CRACD: variants seen among roughly 807,000 people sequenced by gnomAD.
CRACD encodes the protein capping protein-inhibiting regulator of actin dynamics.
In CRACD, 56 loss-of-function variants were observed where a neutral mutation model predicts 106.8. The ratio of observed to expected loss-of-function variants is 0.52; its 90% CI spans 0.42 to 0.66. The LOEUF (loss-of-function observed/expected upper bound fraction) is 0.66. CRACD is among the 30% of genes least tolerant of loss of function. The probability of loss-of-function intolerance (pLI) is 0.00; values close to 1 mark genes in which losing one functional copy is unlikely to be tolerated. For synonymous variants in CRACD, 754 were observed against 670.8 expected, an observed-to-expected ratio of 1.12 and a Z score of -1.92; for missense variants, 1,730 against 1,623.2, an observed-to-expected ratio of 1.07 and a Z score of -1.13.
intron 2 of CRACD, among the ~76,000 whole-genome samples, chr4:56,192,798 C>T (rs759858520): frequency 6.6e-6 from 1 of 152,072 alleles, no homozygotes; most frequent in Non-Finnish European, 1.5e-5. Context: ...TGAACTTTTC[C>T]CTGCAAAACA....
chr4:56,169,491 C>T (rs1456584874), intron 1 of CRACD, among the ~76,000 whole-genome samples: 1 of 151,994 alleles, frequency 6.6e-6, no homozygotes, highest in Non-Finnish European at 1.5e-5. Context: ...TTTAGAGTTT[C>T]CTTTAAGTGT....
intron 1 of CRACD, among the ~76,000 whole-genome samples, chr4:56,125,093 A>G (rs542839882): frequency 6.2e-4 from 95 of 152,310 alleles, no homozygotes; most frequent in Non-Finnish European, 1.2e-3. Context: ...GGTTTGGGGA[A>G]TGGATACTTT....
chr4:56,055,769 C>T (rs2109779331), intron 1 of CRACD, among the ~76,000 whole-genome samples: 1 of 152,218 alleles, frequency 6.6e-6, no homozygotes. Context: ...GTCACAGGTT[C>T]AATTCTTGGG....
At chr4:56,178,311 C>G (rs1736671808) in intron 1 of CRACD, among the ~76,000 whole-genome samples, 1 of 152,170 alleles carries the variant, frequency 6.6e-6, no homozygotes, top group Admixed American at 6.5e-5. Flanking sequence ...TCTAAATAGC[C>G]ACTTTCTGCT....
chr4:56,177,376 G>T (rs1390761597), intron 1 of CRACD, among the ~76,000 whole-genome samples: 1 of 152,172 alleles, frequency 6.6e-6, no homozygotes, highest in Non-Finnish European at 1.5e-5. Flanking sequence ...ATTTGTGTAT[G>T]TTGAACCATT....
At chr4:56,320,297 A>T (rs1214391430) in intron 8 of CRACD, among the ~76,000 whole-genome samples, 2 of 152,168 alleles carry the variant, frequency 1.3e-5, no homozygotes, top group African/African-American at 2.4e-5. Flanking sequence ...ATCCTTGCTC[A>T]TCTCCTCAGA....
intron 2 of CRACD, among the ~76,000 whole-genome samples, chr4:56,201,650 A>G (rs1401724000): frequency 2.6e-5 from 4 of 152,210 alleles, no homozygotes; most frequent in African/African-American, 9.7e-5. Context: ...GGGGATGTAG[A>G]TGAAAACAGT....
At chr4:56,161,504 T>C (rs1043746557) in intron 1 of CRACD, among the ~76,000 whole-genome samples, 1 of 152,008 alleles carries the variant, frequency 6.6e-6, no homozygotes, top group Non-Finnish European at 1.5e-5. Flanking sequence ...CAGGCTGGAG[T>C]GCAGTGGCAC....
intron 1 of CRACD, among the ~76,000 whole-genome samples, chr4:56,052,110 C>T: frequency 6.6e-6 from 1 of 151,658 alleles, no homozygotes; most frequent in East Asian, 1.9e-4. Flanking sequence ...ACTGTGTTGC[C>T]CAGGCTGGTC....
chr4:56,114,165 T>C (rs1426486927), intron 1 of CRACD, among the ~76,000 whole-genome samples: 1 of 151,730 alleles, frequency 6.6e-6, no homozygotes, highest in African/African-American at 2.4e-5. Flanking sequence ...ATTTAGGCTC[T>C]TTCTGTTCCT....
chr4:56,283,288 G>T (rs1209894986), intron 3 of CRACD, among the ~76,000 whole-genome samples: 1 of 152,108 alleles, frequency 6.6e-6, no homozygotes, highest in African/African-American at 2.4e-5. Flanking sequence ...CCATCCAGGT[G>T]GGCTAGACTA....
intron 1 of CRACD, among the ~76,000 whole-genome samples, chr4:56,140,661 A>G (rs1198885813): frequency 6.6e-6 from 1 of 152,198 alleles, no homozygotes; most frequent in Non-Finnish European, 1.5e-5. Context: ...ATGAAAGACA[A>G]ACAAAAAACA....
chr4:56,274,987 G>A (rs142650763), intron 3 of CRACD, among the ~76,000 whole-genome samples: 1 of 152,340 alleles, frequency 6.6e-6, no homozygotes, highest in East Asian at 1.9e-4. Flanking sequence ...GCAGGAACAT[G>A]GATGGAGCTG....
At chr4:56,075,818 C>T (rs1417051173) in intron 1 of CRACD, among the ~76,000 whole-genome samples, 2 of 152,148 alleles carry the variant, frequency 1.3e-5, no homozygotes, top group African/African-American at 4.8e-5. Context: ...GTGCTTCATT[C>T]CTTTTAATGG....
At chr4:56,200,685 T>C (rs563248146) in intron 2 of CRACD, among the ~76,000 whole-genome samples, 1 of 152,348 alleles carries the variant, frequency 6.6e-6, no homozygotes, top group East Asian at 1.9e-4. Context: ...CACTGTAGTA[T>C]TTTTTAATAG....
In CRACD at chr4:56,136,038, G is replaced by A. The variant is rs190349197; in HGVS notation, c.-335-43246G>A. ...AGTATGTACTCTTTTTTTTTTTGGT[G>A]GAGCTTTTTTTCACTCACCATGGTG... On this transcript the variant is annotated intron_variant, in intron 1 of 10. Transcript: ENST00000682029. Among the ~76,000 whole-genome samples the A allele has an allele frequency of 3.7e-3, 554 of 150,414 alleles. 4 individuals carry two copies. Among genetic ancestry groups the A allele is most frequent in the African/African-American group, 0.013 (529 of 41,020 alleles).
intron 1 of CRACD, among the ~76,000 whole-genome samples, chr4:56,051,238 C>T (rs1419469779): frequency 6.6e-6 from 1 of 152,112 alleles, no homozygotes; most frequent in Non-Finnish European, 1.5e-5. Context: ...GTGGATAAAA[C>T]GTGTACAGAT....
In CRACD at chr4:56,122,016, A is replaced by G. The variant is rs150309895; in HGVS notation, c.-335-57268A>G. On this transcript the variant is annotated intron_variant, in intron 1 of 10. Coordinates refer to ENST00000682029, the MANE Select transcript of CRACD (RefSeq NM_001393381.1). ...GTTTTAGTCAGCTTTTCATGTTTTA[A>G]AATTCTCTATAGGCAGGCACAGTGG... Among the ~76,000 whole-genome samples, 137 of 152,260 alleles carry G rather than the reference A, an allele frequency of 9.0e-4. 1 individual carries two copies. In the East Asian group the frequency reaches 0.023, roughly 26 times the overall value.
rs200828432 is a variant in CRACD at position 56,232,740 on chromosome 4, T to A, written c.-188-39581T>A. ...TATTTATTTATTTATTTATTTATTT[T>A]TTGAGATGGAGTCTCACTCTGTCAC... On this transcript the variant is annotated intron_variant, in intron 2 of 10. Transcript: ENST00000682029. Among the ~76,000 whole-genome samples the A allele has an allele frequency of 5.3e-4, 23 of 43,384 alleles. No individual in the cohort carries two copies. The South Asian group carries it at 0.024, about 46-fold the overall frequency. 28.5% of individuals were successfully genotyped at this position (43,384 alleles called of 152,430 possible).
Sources: gnomAD v4.1 joint callset for allele counts (sites outside exome capture counted in the v4.1 genomes callset) on GRCh38, gnomAD v4.1.1 for gene constraint, MANE v1.5 for transcripts, NCBI Gene and HGNC (gene_info 2026-07-23, HGNC 2026-07-21) for gene names.